ANKS1B: variants seen among roughly 807,000 people sequenced by gnomAD.
ANKS1B encodes the protein ankyrin repeat and sterile alpha motif domain containing 1B.
ANKS1B carries 36 observed loss-of-function variants against 148.3 expected under a neutral mutation model. The ratio of observed to expected loss-of-function variants is 0.24; its 90% CI spans 0.19 to 0.32. The LOEUF (loss-of-function observed/expected upper bound fraction) is 0.32. ANKS1B is among the 10% of genes least tolerant of loss of function. The pLI, the probability that ANKS1B is intolerant of heterozygous loss-of-function variation, is 1.00. For missense variants in ANKS1B, 1,157 were observed against 1,542.6 expected (o/e 0.75, Z 4.19); for synonymous variants, 542 against 560.8 (o/e 0.97, Z 0.47).
At chr12:99,248,513 C>T (rs1484225644) in intron 12 of ANKS1B, among the ~76,000 whole-genome samples, 1 of 152,172 alleles carries the variant, frequency 6.6e-6, no homozygotes, top group Non-Finnish European at 1.5e-5. Context: ...CAAAACAGAA[C>T]GATAAAACCT....
intron 9 of ANKS1B, among the ~76,000 whole-genome samples, chr12:99,594,837 C>T (rs1020939098): frequency 6.6e-6 from 1 of 151,676 alleles, no homozygotes; most frequent in Non-Finnish European, 1.5e-5. Flanking sequence ...GTACTGTACA[C>T]AAAATTTGTT....
At chr12:99,697,920 T>A (rs1489237886) in intron 8 of ANKS1B, among the ~76,000 whole-genome samples, 1 of 152,116 alleles carries the variant, frequency 6.6e-6, no homozygotes, top group Non-Finnish European at 1.5e-5. Flanking sequence ...TTAATTTTTT[T>A]AAATCTATAA....
chr12:99,240,187 C>A (rs1010820458), intron 14 of ANKS1B, among the ~76,000 whole-genome samples: 2 of 152,108 alleles, frequency 1.3e-5, no homozygotes, highest in African/African-American at 4.8e-5. Context: ...TGCAGAGACA[C>A]ACATAGGCTC....
At chr12:98,933,571 T>C (rs1446567316) in intron 17 of ANKS1B, among the ~76,000 whole-genome samples, 9 of 152,094 alleles carry the variant, frequency 5.9e-5, no homozygotes, top group Non-Finnish European at 1.3e-4. Context: ...TTAAGAAACA[T>C]CTATACTGCT....
At chr12:99,720,955 T>C (rs1446802409) in intron 8 of ANKS1B, among the ~76,000 whole-genome samples, 1 of 152,228 alleles carries the variant, frequency 6.6e-6, no homozygotes, top group Non-Finnish European at 1.5e-5. Context: ...GGCAGGGCTA[T>C]GCTGAACCTC....
chr12:99,377,618 T>G (rs1482171243), intron 12 of ANKS1B, among the ~76,000 whole-genome samples: 3 of 152,252 alleles, frequency 2.0e-5, no homozygotes, highest in African/African-American at 7.2e-5. Flanking sequence ...AAGCTAAGTT[T>G]CAAAATTTGT....
intron 17 of ANKS1B, among the ~76,000 whole-genome samples, chr12:98,855,160 C>T (rs895618808): frequency 6.6e-5 from 9 of 136,094 alleles, no homozygotes; most frequent in African/African-American, 1.9e-4. Flanking sequence ...AGCGAGACTC[C>T]GTCTCAAAAA....
At chr12:98,953,865 T>C (rs949031864) in intron 17 of ANKS1B, among the ~76,000 whole-genome samples, 1 of 152,132 alleles carries the variant, frequency 6.6e-6, no homozygotes. Context: ...GGTCCTCAGT[T>C]TAGTTCTTTT....
chr12:99,648,161 ATT>A (rs34319076), intron 9 of ANKS1B: 1 of 1,605,222 alleles, frequency 6.2e-7, no homozygotes, highest in Non-Finnish European at 8.5e-7. Context: ...AACTGTCTTG[ATT>A]TAAAGGAAGA....
intron 1 of ANKS1B, among the ~76,000 whole-genome samples, chr12:99,859,629 T>C (rs756981749): frequency 6.6e-6 from 1 of 151,804 alleles, no homozygotes; most frequent in Non-Finnish European, 1.5e-5. Flanking sequence ...ATAAAAACTG[T>C]TGAAAGTTTT....
intron 8 of ANKS1B, among the ~76,000 whole-genome samples, chr12:99,704,181 G>C (rs551063013): frequency 6.6e-6 from 1 of 152,184 alleles, no homozygotes; most frequent in African/African-American, 2.4e-5. Flanking sequence ...TGACAGGTGG[G>C]TTGGAGGCTG....
At chr12:99,586,419 G>A (rs1016167622) in intron 9 of ANKS1B, among the ~76,000 whole-genome samples, 4 of 152,158 alleles carry the variant, frequency 2.6e-5, no homozygotes, top group African/African-American at 9.7e-5. Context: ...TTTGGTCAGA[G>A]CCATTCAACA....
intron 9 of ANKS1B, among the ~76,000 whole-genome samples, chr12:99,588,714 T>C (rs952027431): frequency 6.6e-6 from 1 of 151,912 alleles, no homozygotes; most frequent in Non-Finnish European, 1.5e-5. Flanking sequence ...AACTTTCCTA[T>C]GTGAAGCATA....
intron 2 of ANKS1B, among the ~76,000 whole-genome samples, chr12:99,821,874 C>T (rs1602978869): frequency 6.6e-6 from 1 of 151,984 alleles, no homozygotes; most frequent in East Asian, 1.9e-4. Flanking sequence ...TAACAACATT[C>T]TCCTTTAAAA....
chr12:99,958,241 G>T (rs909997669), intron 1 of ANKS1B, among the ~76,000 whole-genome samples: 5 of 152,180 alleles, frequency 3.3e-5, no homozygotes, highest in Non-Finnish European at 7.4e-5. Context: ...CAGGAATTGA[G>T]TCGGGTTGGA....
rs1330562317 is a variant in ANKS1B, at chr12:99,650,293, A to G, written c.1272+4774T>C. On this transcript the variant is annotated intron_variant, in intron 9 of 26. Coordinates refer to ENST00000683438, the MANE Select transcript of ANKS1B (RefSeq NM_001352186.2). ...AGAACCCAGGAATACACACACACAGACTCTCTCTCTCTCTCCTCTCTCTCT... is the reference window on the plus strand; with the variant it reads ...AGAACCCAGGAATACACACACACAGGCTCTCTCTCTCTCTCCTCTCTCTCT... 3.4e-5 allele frequency among the ~76,000 whole-genome samples: 5 copies of G among 147,862 alleles called. No homozygotes were observed. In the South Asian group the frequency reaches 7.3e-4, roughly 21 times the overall value.
intron 17 of ANKS1B, among the ~76,000 whole-genome samples, chr12:98,978,778 C>A (rs2099902834): frequency 6.6e-6 from 1 of 151,948 alleles, no homozygotes; most frequent in Non-Finnish European, 1.5e-5. Context: ...ACAAAAAACC[C>A]CATGATATAC....
At chr12:98,791,402 C>A (rs530870130) in intron 22 of ANKS1B, among the ~76,000 whole-genome samples, 5 of 151,964 alleles carry the variant, frequency 3.3e-5, no homozygotes, top group African/African-American at 9.7e-5. Flanking sequence ...TAAGGAGTTA[C>A]CTATGTGGCT....
intron 17 of ANKS1B, among the ~76,000 whole-genome samples, chr12:98,839,401 ATCTT>A (rs750344150): frequency 6.6e-6 from 1 of 151,800 alleles, no homozygotes; most frequent in African/African-American, 2.4e-5. Flanking sequence ...GTATGTATCT[ATCTT>A]TCTATCATCC....
Sources: gnomAD v4.1 joint callset for allele counts (sites outside exome capture counted in the v4.1 genomes callset) on GRCh38, gnomAD v4.1.1 for gene constraint, MANE v1.5 for transcripts, NCBI Gene and HGNC (gene_info 2026-07-23, HGNC 2026-07-21) for gene names.